Variants in SERF1B observed in about 807,000 individuals in gnomAD.
SERF1B encodes small EDRK-rich factor 1B.
intron 2 of SERF1B, among the ~76,000 whole-genome samples, chr5:70,028,545 T>C (rs1774086789): frequency 4.4e-5 from 5 of 113,470 alleles, no homozygotes; most frequent in Admixed American, 9.0e-5. Flanking sequence ...AGAGCGAGAC[T>C]CCGTCTCAAA....
intron 2 of SERF1B, among the ~76,000 whole-genome samples, chr5:70,028,694 A>G (rs1774093154): frequency 6.8e-6 from 1 of 146,456 alleles, no homozygotes; most frequent in African/African-American, 2.5e-5. Flanking sequence ...CCTGGACAAC[A>G]AGAGTGAAAC....
chr5:70,029,415 C>G (rs539205336), intron 2 of SERF1B, among the ~76,000 whole-genome samples: 1,862 of 149,356 alleles, frequency 0.012, 40 homozygotes, highest in African/African-American at 0.045. Context: ...GGATTACAGG[C>G]GTGAGCCACC....
chr5:70,036,629 ACT>A (rs1554065559), intron 2 of SERF1B, among the ~76,000 whole-genome samples: 2,139 of 49,544 alleles, frequency 0.043, 49 homozygotes, highest in Middle Eastern at 0.065. Context: ...ACACACACAC[ACT>A]CTCTCTCTCT....
At chr5:70,038,157 A>G (rs1774224145) in intron 2 of SERF1B, among the ~76,000 whole-genome samples, 1 of 149,076 alleles carries the variant, frequency 6.7e-6, no homozygotes, top group South Asian at 2.1e-4. Flanking sequence ...CCTATTAAAT[A>G]CTTGCCTTTT....
At chr5:70,037,499 AT>A (rs1399545684) in intron 2 of SERF1B, among the ~76,000 whole-genome samples, 1 of 145,164 alleles carries the variant, frequency 6.9e-6, no homozygotes, top group Non-Finnish European at 1.5e-5. Context: ...AAATACAAAA[AT>A]TAGCCAGGTA....
chr5:70,041,103 CATTTTTGTT>C (rs1163640247), intron 2 of SERF1B, among the ~76,000 whole-genome samples: 2 of 148,906 alleles, frequency 1.3e-5, no homozygotes, highest in Non-Finnish European at 1.5e-5. Flanking sequence ...CAAACAATTG[CATTTTTGTT>C]GTTTTTGTTT....
At chr5:70,036,627 ACACTCTCT>A (rs1347637840) in intron 2 of SERF1B, among the ~76,000 whole-genome samples, 3 of 50,310 alleles carry the variant, frequency 6.0e-5, no homozygotes, top group African/African-American at 1.9e-4. Flanking sequence ...ACACACACAC[ACACTCTCT>A]CTCTCTCTCT....
chr5:70,029,250 G>A (rs548954982), intron 2 of SERF1B, among the ~76,000 whole-genome samples: 4 of 151,778 alleles, frequency 2.6e-5, no homozygotes, highest in East Asian at 3.9e-4. Flanking sequence ...ATTCTCCTGC[G>A]TCAGCAATCC....
At position 70,035,389 on chromosome 5, in the gene SERF1B, T is replaced by TATTA. The variant is rs1350033403; in HGVS notation, c.117-6135_117-6134insATTA. Among the ~76,000 whole-genome samples the TATTA allele has an allele frequency of 8.9e-4, 120 of 134,634 alleles. No individual in the cohort carries two copies. In the Middle Eastern group the frequency reaches 0.016, roughly 18 times the overall value. The allele number at this position is 134,634 out of a possible 152,430, so 88.3% of individuals were successfully genotyped here. A position where few individuals can be genotyped will look rare whatever the true frequency, so the allele number is the denominator to read the frequency against. On this transcript the variant is annotated intron_variant, in intron 2 of 2. Transcript: ENST00000380750. ...AATTATTATTATTATTATTATTTTT[T>TATTA]TTTTTTTTTGAGACGGAGTTTCGCT...
At chr5:70,036,424 CA>C (rs1322445178) in intron 2 of SERF1B, among the ~76,000 whole-genome samples, 459 of 81,934 alleles carry the variant, frequency 5.6e-3, no homozygotes, top group African/African-American at 8.9e-3. Flanking sequence ...TCATCTCTAC[CA>C]AAAAAAAAAA....
chr5:70,036,629 A>ACTCACTCTCTCTCTCTCTCT (rs1774192033), intron 2 of SERF1B, among the ~76,000 whole-genome samples: 1 of 49,838 alleles, frequency 2.0e-5, no homozygotes, highest in African/African-American at 6.7e-5. Flanking sequence ...ACACACACAC[A>ACTCACTCTCTCTCTCTCTCT]CTCTCTCTCT....
intron 2 of SERF1B, among the ~76,000 whole-genome samples, chr5:70,036,625 A>ACTCTCTCTCTCTCTCT (rs1217735761): frequency 3.9e-5 from 2 of 51,738 alleles, no homozygotes; most frequent in South Asian, 7.3e-4. Flanking sequence ...ACACACACAC[A>ACTCTCTCTCTCTCTCT]CACACTCTCT....
chr5:70,041,292 A>T (rs1249373131), intron 2 of SERF1B, among the ~76,000 whole-genome samples: 1 of 148,216 alleles, frequency 6.7e-6, no homozygotes, highest in Non-Finnish European at 1.5e-5. Flanking sequence ...ATTTAAATAC[A>T]CTCAATTTAT....
intron 2 of SERF1B, among the ~76,000 whole-genome samples, chr5:70,036,627 A>ACTCTCTCTCTCTCTCTCT (rs1190752176): frequency 5.4e-4 from 27 of 50,322 alleles, no homozygotes; most frequent in East Asian, 1.4e-3. Flanking sequence ...ACACACACAC[A>ACTCTCTCTCTCTCTCTCT]CACTCTCTCT....
intron 2 of SERF1B, among the ~76,000 whole-genome samples, chr5:70,036,629 A>ACACACTCTCTCTCTCTCTCTCT (rs763495681): frequency 2.0e-4 from 10 of 49,838 alleles, no homozygotes; most frequent in South Asian, 6.5e-4. Flanking sequence ...ACACACACAC[A>ACACACTCTCTCTCTCTCTCTCT]CTCTCTCTCT....
intron 2 of SERF1B, among the ~76,000 whole-genome samples, chr5:70,028,910 G>C (rs1342927143): frequency 6.6e-6 from 1 of 151,236 alleles, no homozygotes; most frequent in Non-Finnish European, 1.5e-5. Flanking sequence ...CCGGGAGGCG[G>C]AGCTTGCAGT....
rs1421975824 is a variant in SERF1B, at chr5:70,029,210, A to T, written c.116+2695A>T. ...GAGGGCAGTGGCGTGATCTCGGCTCACTGCAACCTCCACCTCCTGGGCTTA... is the reference window on the plus strand; with the variant it reads ...GAGGGCAGTGGCGTGATCTCGGCTCTCTGCAACCTCCACCTCCTGGGCTTA... On this transcript the variant is annotated intron_variant, in intron 2 of 2. Coordinates refer to ENST00000380750, the MANE Select transcript of SERF1B (RefSeq NM_022978.3). Among the ~76,000 whole-genome samples, 4 of 151,030 alleles carry T rather than the reference A, an allele frequency of 2.6e-5. No individual in the cohort carries two copies. The East Asian group carries it at 7.8e-4, about 30-fold the overall frequency.
At chr5:70,035,383 ATT>A (rs763970203) in intron 2 of SERF1B, among the ~76,000 whole-genome samples, 5 of 136,562 alleles carry the variant, frequency 3.7e-5, no homozygotes, top group African/African-American at 1.1e-4. Context: ...TATTATTATT[ATT>A]TTTTTTTTTT....
At chr5:70,035,477 GT>G (rs978368888) in intron 2 of SERF1B, among the ~76,000 whole-genome samples, 1 of 99,686 alleles carries the variant, frequency 1.0e-5, no homozygotes, top group African/African-American at 3.8e-5. Context: ...TGCCTCCCGG[GT>G]TCTCCCACCT....
Sources: gnomAD v4.1 joint callset for allele counts (sites outside exome capture counted in the v4.1 genomes callset) on GRCh38, gnomAD v4.1.1 for gene constraint, MANE v1.5 for transcripts, NCBI Gene and HGNC (gene_info 2026-07-23, HGNC 2026-07-21) for gene names.